Variants in MACF1 observed in about 807,000 individuals in gnomAD.
MACF1 encodes microtubule actin crosslinking factor 1.
Under a neutral mutation model 854.8 loss-of-function variants are expected in MACF1, and 193 were observed. The observed-to-expected ratio is 0.23, with a 90% CI of 0.20 to 0.25. The LOEUF is 0.25. Ranked by LOEUF, MACF1 falls within the 10% of genes least tolerant of loss-of-function variation. The pLI is 1.00. For missense variants in MACF1, 7,722 were observed against 8,929.1 expected (o/e 0.86, Z 5.45); for synonymous variants, 3,185 against 3,226.7 (o/e 0.99, Z 0.44).
intron 2 of MACF1, among the ~76,000 whole-genome samples, chr1:39,130,957 T>C (rs928381988): frequency 3.3e-5 from 5 of 151,698 alleles, no homozygotes; most frequent in Admixed American, 6.6e-5. Context: ...TTCTCCTGCC[T>C]CAGCCTCCCG....
chr1:39,191,364 C>T (rs1644253916), intron 2 of MACF1, among the ~76,000 whole-genome samples: 1 of 152,314 alleles, frequency 6.6e-6, no homozygotes, highest in Admixed American at 6.5e-5. Context: ...ACTTACCTAG[C>T]TCTTGGCAGC....
intron 2 of MACF1, among the ~76,000 whole-genome samples, chr1:39,125,435 T>C (rs1642834020): frequency 6.6e-6 from 1 of 152,236 alleles, no homozygotes; most frequent in Non-Finnish European, 1.5e-5. Flanking sequence ...TTGAATAAGA[T>C]AATACGTATT....
chr1:39,282,484 C>G, intron 7 of MACF1, 110 bp downstream of exon 7: 1 of 1,182,598 alleles, frequency 8.5e-7, no homozygotes, highest in Non-Finnish European at 1.2e-6. Context: ...AGCTTTGATT[C>G]ATTTGTTCAT....
rs1322165639 is a variant in MACF1, at chr1:39,460,192, A to G, written c.21361-440A>G. Among the ~76,000 whole-genome samples the G allele has an allele frequency of 6.6e-6, 1 of 152,230 alleles. No individual in the cohort carries two copies. Among genetic ancestry groups the G allele is most frequent in the Non-Finnish European group, 1.5e-5 (1 of 68,032 alleles). ...TTTTCTCATTGAAATCTCAGAAGATAGTGGTAAACACGAGCCTCCTGATAT... is the reference window on the plus strand; with the variant it reads ...TTTTCTCATTGAAATCTCAGAAGATGGTGGTAAACACGAGCCTCCTGATAT... On this transcript the variant is annotated intron_variant, in intron 91 of 100. Transcript: ENST00000564288. This position sits in a 1 kb window ranked among gnomAD's most constrained non-coding sequence, Gnocchi z 4.1.
At position 39,430,046 on chromosome 1, in the gene MACF1, C is replaced by T. The variant is rs1643845973; in HGVS notation, c.17108C>T (p.Pro5703Leu). ...GGQSPTGEQI[P>L]QFQQRQKELK... ...CAGTCTCCCACAGGGGAACAGATAC[C>T]CCAGTTTCAGCAGAGACAGAAGGTG... Residue 5703 changes from proline (P) to leucine (L), a missense_variant, in exon 65 of 101, where the codon CCC becomes CTC. Physicochemically the swap from Pro to Leu is moderately conservative, Grantham distance 98. This residue lies in a region of MACF1 where 2,807 missense variants were observed against 3,235.8 expected (regional missense o/e 0.87). Coordinates refer to ENST00000564288, the MANE Select transcript of MACF1 (RefSeq NM_001394062.1). 1 of 1,613,654 alleles carries T rather than the reference C, an allele frequency of 6.2e-7. No homozygotes were observed. Among genetic ancestry groups the T allele is most frequent in the Non-Finnish European group, 8.5e-7 (1 of 1,179,844 alleles).
At chr1:39,279,260 T>C (rs770906820) in intron 6 of MACF1, among the ~76,000 whole-genome samples, 22 of 152,208 alleles carry the variant, frequency 1.4e-4, no homozygotes, top group Non-Finnish European at 2.4e-4. Context: ...GAGGCAGTAC[T>C]TCCTGGCTTC....
At chr1:39,193,753 C>G (rs1193137597) in intron 2 of MACF1, among the ~76,000 whole-genome samples, 2 of 152,008 alleles carry the variant, frequency 1.3e-5, no homozygotes, top group African/African-American at 4.8e-5. Context: ...ATAGGTTTGG[C>G]TCACAAATTA....
In MACF1 at chr1:39,205,015, G is replaced by A; in HGVS notation, c.-8G>A. The A allele has an allele frequency of 1.4e-6, 1 of 702,968 alleles. No homozygotes were observed. Among genetic ancestry groups the A allele is most frequent in the East Asian group, 2.7e-5 (1 of 37,288 alleles). 43.5% of individuals were successfully genotyped at this position (702,968 alleles called of 1,614,324 possible). On this transcript the variant is annotated 5_prime_UTR_variant, in exon 1 of 101. Coordinates refer to ENST00000564288, the MANE Select transcript of MACF1 (RefSeq NM_001394062.1). ...TAACTCAAGGGAGGAGAAAGGACGG[G>A]CCTGGAAATGCCCCTCTTAGATTCA...
chr1:39,360,531 T>C (rs1302852191), intron 47 of MACF1, among the ~76,000 whole-genome samples: 2 of 151,880 alleles, frequency 1.3e-5, no homozygotes, highest in South Asian at 2.1e-4. Flanking sequence ...TCAATTATTA[T>C]TACAATTACT....
intron 26 of MACF1, among the ~76,000 whole-genome samples, chr1:39,315,138 T>C (rs1257178457): frequency 1.3e-5 from 2 of 152,248 alleles, no homozygotes; most frequent in Non-Finnish European, 2.9e-5. Flanking sequence ...TTCGATCCTT[T>C]CAATTCCATC....
At position 39,409,488 on chromosome 1, in the gene MACF1, C is replaced by G. The variant is rs1357586591; in HGVS notation, c.15817-12886C>G. 1.3e-5 allele frequency: 2 copies of G among 152,202 alleles called. No homozygotes were observed. Among genetic ancestry groups the G allele is most frequent in the Admixed American group, 1.3e-4 (2 of 15,278 alleles). The allele number at this position is 152,202 out of a possible 1,614,324, so 9.4% of individuals were successfully genotyped here. On this transcript the variant is annotated intron_variant, in intron 58 of 100. Transcript: ENST00000564288. This position sits in a 1 kb window ranked among gnomAD's most constrained non-coding sequence, Gnocchi z 4.2. ...GGGAAGCGGGCCGTGCTGAGCGAGC[C>G]CCTCCGACAGACCCGCGGCCGCTGC...
intron 6 of MACF1, among the ~76,000 whole-genome samples, chr1:39,270,662 C>G (rs4660603): frequency 0.16 from 24,432 of 152,086 alleles, 2,449 homozygotes; most frequent in Middle Eastern, 0.22. Flanking sequence ...GGATGTTGGC[C>G]TCTGCAGCAG....
chr1:39,329,824 A>G (rs1485340309), intron 36 of MACF1, among the ~76,000 whole-genome samples: 1 of 152,170 alleles, frequency 6.6e-6, no homozygotes, highest in African/African-American at 2.4e-5. Context: ...TGCAAGGGTA[A>G]TTTTGACAGC....
Position 39,443,515 on chromosome 1 carries a change from G to C in MACF1, c.19372G>C (p.Ala6458Pro), listed in dbSNP as rs372268152. 35 of 1,613,686 alleles carry C rather than the reference G, an allele frequency of 2.2e-5. No individual in the cohort carries two copies. The African/African-American group carries it at 4.4e-4, about 20-fold the overall frequency. Residue 6458 changes from alanine to proline, a missense_variant, in exon 79 of 101, where the codon GCA becomes CCA. Coordinates refer to ENST00000564288, the MANE Select transcript of MACF1 (RefSeq NM_001394062.1). ...ELTRMESQLS[A>P]SKPTGGLPET... ...TACTAGAATGGAGAGCCAGCTTTCT[G>C]CATCTAAGCCCACAGGAGGACTTCC...
intron 94 of MACF1, chr1:39,464,845 C>T (rs531766231): frequency 9.4e-6 from 4 of 426,566 alleles, no homozygotes; most frequent in South Asian, 7.0e-5. Context: ...ACGCCGGGGT[C>T]GGAGGTTGCA....
At chr1:39,194,473 C>T (rs1644295913) in intron 2 of MACF1, among the ~76,000 whole-genome samples, 1 of 150,896 alleles carries the variant, frequency 6.6e-6, no homozygotes, top group Non-Finnish European at 1.5e-5. Flanking sequence ...TCTGACTCAG[C>T]CTCCCAGGTA....
intron 1 of MACF1, among the ~76,000 whole-genome samples, chr1:39,210,462 G>A (rs1644501835): frequency 6.6e-6 from 1 of 150,646 alleles, no homozygotes; most frequent in Non-Finnish European, 1.5e-5. Flanking sequence ...AGCCTCCCAA[G>A]TAGCTGGGAC....
intron 94 of MACF1, 109 bp from the exon 95 acceptor site, chr1:39,464,986 G>T: frequency 1.0e-6 from 1 of 975,930 alleles, no homozygotes; most frequent in Non-Finnish European, 1.6e-6. Flanking sequence ...GTGTCACTTT[G>T]CCAGAAAAAT....
chr1:39,292,802 G>A lies in MACF1; in HGVS notation c.1951G>A (p.Glu651Lys). ...MSQNFHTSYA[E>K]TLGKLETQYC... is the part of the protein sequence containing the mutation. ...CCAGAATTTCCATACCAGCTATGCT[G>A]AAACTCTTGGAAAGCTGGAGACACA... The change falls in exon 17 of 101, where the codon GAA (glutamate) becomes AAA (lysine). Residue 651 changes from glutamate (E) to lysine (K), a missense_variant. Physicochemically the swap from Glu to Lys is moderately conservative, Grantham distance 56. This residue lies in a region of MACF1 where 1,137 missense variants were observed against 1,263.0 expected (regional missense o/e 0.90). Transcript: ENST00000564288. 6.2e-7 allele frequency: 1 copy of A among 1,612,988 alleles called. No individual in the cohort carries two copies. The highest frequency in any genetic ancestry group is 8.5e-7 in the Non-Finnish European group (1 of 1,179,644).
Sources: gnomAD v4.1 joint callset for allele counts (sites outside exome capture counted in the v4.1 genomes callset) on GRCh38, gnomAD v4.1.1 for gene constraint, gnomAD v4.1.1 regional missense constraint, Gnocchi (gnomAD v3.1) non-coding constraint, MANE v1.5 for transcripts, NCBI Gene and HGNC (gene_info 2026-07-23, HGNC 2026-07-21) for gene names.